The following ANKRD44 variants were observed in gnomAD, a reference collection of about 807,000 sequenced individuals.
The protein encoded by ANKRD44 is ankyrin repeat domain 44.
ANKRD44 carries 35 observed loss-of-function variants against 116.0 expected under a neutral mutation model. The observed-to-expected ratio is 0.30, with a 90% CI of 0.23 to 0.40. The LOEUF (loss-of-function observed/expected upper bound fraction) is 0.40, where lower values mean the gene tolerates loss of function less well. Among genes scored for constraint, ANKRD44 ranks in the 10% least tolerant of loss-of-function variants. The pLI, the probability that ANKRD44 is intolerant of heterozygous loss-of-function variation, is 1.00. For synonymous variants in ANKRD44, 435 were observed against 461.8 expected, an observed-to-expected ratio of 0.94 and a Z score of 0.74; for missense variants, 1,014 against 1,242.6, an observed-to-expected ratio of 0.82 and a Z score of 2.77.
chr2:197,281,936 ACG>A (rs2083276236), intron 1 of ANKRD44, among the ~76,000 whole-genome samples: 1 of 152,186 alleles, frequency 6.6e-6, no homozygotes, highest in Non-Finnish European at 1.5e-5. Context: ...GTCTGAAGCC[ACG>A]TAAGATGATT....
intron 1 of ANKRD44, among the ~76,000 whole-genome samples, chr2:197,266,752 T>C (rs781020974): frequency 6.6e-6 from 1 of 151,866 alleles, no homozygotes; most frequent in Non-Finnish European, 1.5e-5. Context: ...TGAAATACTC[T>C]AAGTAAGTCA....
intron 16 of ANKRD44, among the ~76,000 whole-genome samples, chr2:197,073,904 C>T (rs1000439746): frequency 1.4e-4 from 22 of 152,212 alleles, no homozygotes; most frequent in African/African-American, 4.6e-4. Context: ...TCTATTTTAA[C>T]ACATCCTGTT....
intron 17 of ANKRD44, among the ~76,000 whole-genome samples, chr2:197,020,640 C>T (rs971907817): frequency 1.3e-5 from 2 of 152,046 alleles, no homozygotes; most frequent in Non-Finnish European, 2.9e-5. Context: ...CTATAAAATT[C>T]GCTTTGTTTC....
chr2:197,229,524 ATAAC>A, intron 1 of ANKRD44, among the ~76,000 whole-genome samples: 1 of 152,350 alleles, frequency 6.6e-6, no homozygotes, highest in East Asian at 1.9e-4. Context: ...TTAAATAACA[ATAAC>A]TAGTTTCTCA....
chr2:197,066,704 C>A (rs541657815), intron 16 of ANKRD44, among the ~76,000 whole-genome samples: 1 of 151,568 alleles, frequency 6.6e-6, no homozygotes, highest in South Asian at 2.1e-4. Context: ...GAGAATAAAA[C>A]ACCTAGGAAT....
chr2:197,122,144 T>A (rs1211917672), intron 7 of ANKRD44, among the ~76,000 whole-genome samples: 4 of 152,102 alleles, frequency 2.6e-5, no homozygotes, highest in African/African-American at 9.7e-5. Flanking sequence ...GGTTTCCTCA[T>A]TATGGTTTTC....
intron 21 of ANKRD44, among the ~76,000 whole-genome samples, chr2:196,975,125 G>T (rs1405024343): frequency 6.6e-6 from 1 of 152,010 alleles, no homozygotes; most frequent in Non-Finnish European, 1.5e-5. Context: ...AAATGAAAGA[G>T]GGGACATTAC....
chr2:197,031,757 A>G (rs2076712238), intron 16 of ANKRD44, among the ~76,000 whole-genome samples: 1 of 152,232 alleles, frequency 6.6e-6, no homozygotes, highest in Non-Finnish European at 1.5e-5. Context: ...TTATATTGGT[A>G]GTATGAGACA....
intron 2 of ANKRD44, among the ~76,000 whole-genome samples, chr2:197,174,326 T>G (rs1391698697): frequency 6.6e-6 from 1 of 152,164 alleles, no homozygotes; most frequent in Non-Finnish European, 1.5e-5. Flanking sequence ...TAAAAAGCTG[T>G]AACTAAGAAT....
intron 1 of ANKRD44, among the ~76,000 whole-genome samples, chr2:197,287,532 C>T (rs531213416): frequency 6.6e-6 from 1 of 152,234 alleles, no homozygotes; most frequent in African/African-American, 2.4e-5. Context: ...TCCAAAGAAC[C>T]GTTTTTAATG....
chr2:197,264,412 T>C (rs1479148558), intron 1 of ANKRD44, among the ~76,000 whole-genome samples: 1 of 152,218 alleles, frequency 6.6e-6, no homozygotes, highest in Non-Finnish European at 1.5e-5. Flanking sequence ...TTTGTTTTGA[T>C]AGCCATTCCT....
intron 1 of ANKRD44, chr2:197,263,487 G>T: frequency 2.5e-6 from 1 of 396,192 alleles, no homozygotes; most frequent in South Asian, 3.4e-5. Context: ...AGGAAACCAT[G>T]GGGCTCTTTT....
At chr2:197,129,389 C>A (rs1026493572) in intron 4 of ANKRD44, among the ~76,000 whole-genome samples, 4 of 152,200 alleles carry the variant, frequency 2.6e-5, no homozygotes, top group Middle Eastern at 3.2e-3. Context: ...CCTGCCTCAG[C>A]CTCCCAAAGT....
At chr2:197,145,112 A>G (rs1574543589) in intron 3 of ANKRD44, among the ~76,000 whole-genome samples, 1 of 152,116 alleles carries the variant, frequency 6.6e-6, no homozygotes, top group Admixed American at 6.5e-5. Context: ...TAACATGGTG[A>G]AACCCCATCT....
At chr2:197,129,613 T>G (rs1305916699) in intron 4 of ANKRD44, among the ~76,000 whole-genome samples, 1 of 152,210 alleles carries the variant, frequency 6.6e-6, no homozygotes, top group Non-Finnish European at 1.5e-5. Flanking sequence ...TCATGGGATG[T>G]CATATGGGAG....
intron 16 of ANKRD44, among the ~76,000 whole-genome samples, chr2:197,068,471 A>T (rs1379272640): frequency 3.3e-5 from 5 of 151,500 alleles, no homozygotes; most frequent in African/African-American, 9.7e-5. Context: ...ATGGGATCTA[A>T]TTAAACTAAA....
intron 16 of ANKRD44, among the ~76,000 whole-genome samples, chr2:197,068,919 A>G (rs1466510163): frequency 6.6e-6 from 1 of 152,208 alleles, no homozygotes; most frequent in Non-Finnish European, 1.5e-5. Flanking sequence ...AACTAAAAAT[A>G]CCATTTGACC....
At chr2:197,299,720 TGGGTACAGTTC>T (rs2083839477) in intron 1 of ANKRD44, among the ~76,000 whole-genome samples, 1 of 152,188 alleles carries the variant, frequency 6.6e-6, no homozygotes, top group Non-Finnish European at 1.5e-5. Context: ...GACTACACAT[TGGGTACAGTTC>T]TTTAGTGGTG....
chr2:197,198,166 T>C (rs908905635), intron 1 of ANKRD44: 2 of 152,088 alleles, frequency 1.3e-5, no homozygotes, highest in African/African-American at 4.8e-5. Flanking sequence ...CAGGGAACAG[T>C]TTCATTTGGC....
Sources: allele counts gnomAD v4.1 joint callset (sites outside exome capture counted in the v4.1 genomes callset), GRCh38; gene constraint gnomAD v4.1.1; transcripts MANE v1.5; gene names NCBI Gene and HGNC (gene_info 2026-07-23, HGNC 2026-07-21).